CCSER1: variants seen among roughly 807,000 people sequenced by gnomAD.
The protein encoded by CCSER1 is coiled-coil serine rich protein 1, also known as serine-rich coiled-coil domain-containing protein 1.
A neutral mutation model predicts 82.0 loss-of-function variants in CCSER1; 41 were observed. The ratio of observed to expected loss-of-function variants is 0.50; its 90% CI spans 0.39 to 0.65. The LOEUF (loss-of-function observed/expected upper bound fraction) is 0.65, where lower values mean the gene tolerates loss of function less well. Ranked by LOEUF, CCSER1 falls within the 30% of genes least tolerant of loss-of-function variation. CCSER1 has a pLI of 0.00. For synonymous variants in CCSER1, 414 were observed against 383.9 expected, an observed-to-expected ratio of 1.08 and a Z score of -0.92; for missense variants, 1,119 against 1,064.2, an observed-to-expected ratio of 1.05 and a Z score of -0.72.
chr4:91,144,370 A>C (rs1157401795), intron 10 of CCSER1, among the ~76,000 whole-genome samples: 1 of 151,882 alleles, frequency 6.6e-6, no homozygotes, highest in Admixed American at 6.6e-5. Flanking sequence ...GTGAGTCTAG[A>C]TAACATTCTA....
intron 10 of CCSER1, among the ~76,000 whole-genome samples, chr4:91,531,291 T>C (rs927947857): frequency 1.3e-5 from 2 of 152,202 alleles, no homozygotes; most frequent in African/African-American, 2.4e-5. Flanking sequence ...ATTGTATTCA[T>C]CATATAAAAT....
At chr4:90,774,618 T>G (rs1474822378) in intron 7 of CCSER1, among the ~76,000 whole-genome samples, 1 of 152,144 alleles carries the variant, frequency 6.6e-6, no homozygotes, top group Non-Finnish European at 1.5e-5. Context: ...AAATCCCTTT[T>G]TGCTAGATTG....
chr4:90,507,496 G>A (rs1371571140), intron 5 of CCSER1, among the ~76,000 whole-genome samples: 1 of 151,604 alleles, frequency 6.6e-6, no homozygotes, highest in Non-Finnish European at 1.5e-5. Context: ...ATTCTTTCTG[G>A]ACAAGAGAAA....
chr4:90,665,891 T>C (rs557499957), intron 6 of CCSER1, among the ~76,000 whole-genome samples: 1 of 152,266 alleles, frequency 6.6e-6, no homozygotes, highest in East Asian at 1.9e-4. Context: ...TATGTGGACC[T>C]TCTGACAGTG....
chr4:91,496,616 A>AATATATATTGAATATATATATATATT lies in CCSER1; in HGVS notation c.2218-101956_2218-101955insATATATATTGAATATATATATATATT, dbSNP rs1279142591. Among the ~76,000 whole-genome samples, 127 of 20,984 alleles carry AATATATATTGAATATATATATATATT rather than the reference A, an allele frequency of 6.1e-3. 20 individuals carry two copies. Among genetic ancestry groups the AATATATATTGAATATATATATATATT allele is most frequent in the Middle Eastern group, 0.036 (1 of 28 alleles). 13.8% of individuals were successfully genotyped at this position (20,984 alleles called of 152,430 possible). On this transcript the variant is annotated intron_variant, in intron 10 of 10. Transcript: ENST00000509176. Reference sequence around the variant, plus strand: ...AATATATATTTGAATATATATATACACGAATATATATTTGAATATATATAT... The same window carrying AATATATATTGAATATATATATATATT: ...AATATATATTTGAATATATATATACAATATATATTGAATATATATATATATTCGAATATATATTTGAATATATATAT...
At chr4:90,897,877 GT>G (rs1307448295) in intron 8 of CCSER1, among the ~76,000 whole-genome samples, 2 of 151,950 alleles carry the variant, frequency 1.3e-5, no homozygotes, top group Non-Finnish European at 2.9e-5. Context: ...GATGTTGAAG[GT>G]TTTTTCATAT....
chr4:90,590,106 T>G (rs1431249831), intron 5 of CCSER1, among the ~76,000 whole-genome samples: 1 of 151,848 alleles, frequency 6.6e-6, no homozygotes, highest in Non-Finnish European at 1.5e-5. Flanking sequence ...AAACCCTGTC[T>G]CTACCAAAAT....
chr4:90,363,787 T>C (rs1306688048), intron 3 of CCSER1, among the ~76,000 whole-genome samples: 1 of 152,068 alleles, frequency 6.6e-6, no homozygotes, highest in Non-Finnish European at 1.5e-5. Flanking sequence ...ATTTTCCCAC[T>C]CATTATTAGA....
rs186314528 is a variant in CCSER1 at position 90,926,385 on chromosome 4, T to A, written c.2172+2938T>A. Among the ~76,000 whole-genome samples, 102 of 152,152 alleles carry A rather than the reference T, an allele frequency of 6.7e-4. 1 individual carries two copies. Among genetic ancestry groups the A allele is most frequent in the African/African-American group, 2.3e-3 (94 of 41,566 alleles). On this transcript the variant is annotated intron_variant, in intron 9 of 10. Transcript: ENST00000509176. The stretch of plus-strand genomic sequence containing the variant: ...TCTTTACAGATTATTATGGATCATG[T>A]TTTATTGGTATGAGTATCAGAATAT...
intron 10 of CCSER1, among the ~76,000 whole-genome samples, chr4:91,264,921 T>G (rs1017199565): frequency 3.9e-5 from 6 of 152,086 alleles, no homozygotes; most frequent in Non-Finnish European, 7.4e-5. Context: ...TGATTATATA[T>G]GACTAATGAA....
chr4:90,222,488 G>A (rs1483602585), intron 1 of CCSER1, among the ~76,000 whole-genome samples: 1 of 152,090 alleles, frequency 6.6e-6, no homozygotes, highest in African/African-American at 2.4e-5. Flanking sequence ...TTTAGGAGTT[G>A]CTTTGAAAAT....
At position 91,378,157 on chromosome 4, in the gene CCSER1, G is replaced by A. The variant is rs567186847; in HGVS notation, c.2218-220415G>A. Among the ~76,000 whole-genome samples, 5 of 152,304 alleles carry A rather than the reference G, an allele frequency of 3.3e-5. No homozygotes were observed. The East Asian group carries it at 9.6e-4, about 29-fold the overall frequency. ...ATGCTGTTTTGGTTACCGTAGCCTT[G>A]TAGTATAGTTTGAAGTCAGGTAGCG... On this transcript the variant is annotated intron_variant, in intron 10 of 10. Transcript: ENST00000509176.
intron 7 of CCSER1, among the ~76,000 whole-genome samples, chr4:90,767,744 A>T (rs1402483838): frequency 6.6e-6 from 1 of 152,010 alleles, no homozygotes; most frequent in Non-Finnish European, 1.5e-5. Context: ...GTGCTATCTC[A>T]GTTTGCTCCA....
chr4:91,250,655 G>T (rs1740180211), intron 10 of CCSER1, among the ~76,000 whole-genome samples: 1 of 151,050 alleles, frequency 6.6e-6, no homozygotes, highest in African/African-American at 2.4e-5. Context: ...TTGCATCCTA[G>T]ATATTTAAAT....
At chr4:91,408,530 G>T (rs1341798209) in intron 10 of CCSER1, among the ~76,000 whole-genome samples, 1 of 152,088 alleles carries the variant, frequency 6.6e-6, no homozygotes, top group Non-Finnish European at 1.5e-5. Context: ...TGAATCCTCA[G>T]ACTGAAAATT....
chr4:91,372,327 A>C (rs924913518), intron 10 of CCSER1, among the ~76,000 whole-genome samples: 1 of 152,106 alleles, frequency 6.6e-6, no homozygotes. Context: ...GGATAATCTC[A>C]TTCCACTGTA....
intron 4 of CCSER1, among the ~76,000 whole-genome samples, chr4:90,437,697 G>A (rs1400703095): frequency 1.3e-5 from 2 of 152,052 alleles, no homozygotes; most frequent in African/African-American, 4.8e-5. Flanking sequence ...GAACACTGAG[G>A]CAAGCAACCT....
intron 10 of CCSER1, among the ~76,000 whole-genome samples, chr4:91,333,023 C>A (rs1560594874): frequency 1.3e-5 from 2 of 152,012 alleles, no homozygotes; most frequent in Non-Finnish European, 1.5e-5. Context: ...GAGAATGTTT[C>A]TCCTTGTTCT....
intron 10 of CCSER1, among the ~76,000 whole-genome samples, chr4:91,146,785 T>C (rs1422868911): frequency 6.6e-6 from 1 of 152,150 alleles, no homozygotes; most frequent in Non-Finnish European, 1.5e-5. Flanking sequence ...TGAAGGAATT[T>C]ATTTTTGTTT....
Sources: gnomAD v4.1 joint callset for allele counts (sites outside exome capture counted in the v4.1 genomes callset) on GRCh38, gnomAD v4.1.1 for gene constraint, MANE v1.5 for transcripts, NCBI Gene and HGNC (gene_info 2026-07-23, HGNC 2026-07-21) for gene names.